The following ASH2L variants were observed in gnomAD, a reference collection of about 807,000 sequenced individuals.
ASH2L encodes ASH2 like, histone lysine methyltransferase complex subunit.
ASH2L carries 30 observed loss-of-function variants against 81.1 expected under a neutral mutation model. That is an observed-to-expected ratio of 0.37 (90% CI 0.28 to 0.50). ASH2L has a LOEUF of 0.50. ASH2L is among the 20% of genes least tolerant of loss of function. ASH2L has a pLI of 0.95. For synonymous variants in ASH2L, 273 were observed against 279.9 expected (o/e 0.98, Z 0.24); for missense variants, 559 against 792.1 (o/e 0.71, Z 3.53).
At chr8:38,108,471 A>G (rs1268231995) in intron 3 of ASH2L, among the ~76,000 whole-genome samples, 1 of 152,116 alleles carries the variant, frequency 6.6e-6, no homozygotes, top group Non-Finnish European at 1.5e-5. Flanking sequence ...CTGAATTTCA[A>G]AAGTTATATC....
intron 2 of ASH2L, 79 bp from the exon 3 acceptor site, chr8:38,106,942 C>A (rs1810460250): frequency 6.5e-7 from 1 of 1,538,622 alleles, no homozygotes; most frequent in African/African-American, 1.4e-5. Flanking sequence ...CATAGGGAGA[C>A]CCCCGTCTCT....
intron 2 of ASH2L, 47 bp from the exon 3 acceptor site, chr8:38,106,974 A>C: frequency 6.2e-7 from 1 of 1,608,672 alleles, no homozygotes. Context: ...AATAAAGTAA[A>C]ATACATTCAA....
chr8:38,116,875 G>T, intron 8 of ASH2L, 150 bp downstream of exon 8: 1 of 652,994 alleles, frequency 1.5e-6, no homozygotes, highest in South Asian at 2.1e-5. Flanking sequence ...AACTAGCCAA[G>T]GATTTGGCAG....
chr8:38,130,092 T>G (rs1277195676), intron 12 of ASH2L, among the ~76,000 whole-genome samples: 1 of 152,198 alleles, frequency 6.6e-6, no homozygotes, highest in Non-Finnish European at 1.5e-5. Context: ...AGTATCTCAT[T>G]GTGAGTTAAA....
At chr8:38,119,136 A>G (rs547269100) in intron 8 of ASH2L, 134 bp from the exon 9 acceptor site, 66 of 766,770 alleles carry the variant, frequency 8.6e-5, no homozygotes, top group East Asian at 1.2e-4. Context: ...GTGAAATCCA[A>G]TATGCCTTTG....
intron 10 of ASH2L, among the ~76,000 whole-genome samples, chr8:38,123,700 T>C (rs957408079): frequency 1.3e-5 from 2 of 152,210 alleles, no homozygotes; most frequent in Non-Finnish European, 2.9e-5. Context: ...TGTCACTCCC[T>C]CATCACCCCT....
rs1396508366 is a variant in ASH2L, at chr8:38,128,843, C to G, written c.1419C>G (p.Gly473=). The G allele has an allele frequency of 6.2e-7, 1 of 1,614,150 alleles. No homozygotes were observed. The highest frequency in any genetic ancestry group is 8.5e-7 in the Non-Finnish European group (1 of 1,180,028). Residue 473 remains glycine, a synonymous_variant, in exon 12 of 16, where the codon GGC becomes GGG. Transcript: ENST00000343823. ...KKGTKFHQSI[G]KHYSSGYGQG... ...GAACCAAGTTCCACCAGTCCATTGG[C>G]AAACACTACTCTTCTGGCTATGGAC...
intron 3 of ASH2L, among the ~76,000 whole-genome samples, chr8:38,108,757 C>T (rs1810559177): frequency 6.6e-6 from 1 of 151,992 alleles, no homozygotes; most frequent in Non-Finnish European, 1.5e-5. Flanking sequence ...AGAGGTTGCA[C>T]CCCAGCCTGG....
intron 12 of ASH2L, among the ~76,000 whole-genome samples, chr8:38,129,239 C>T (rs1262108927): frequency 6.6e-6 from 1 of 152,090 alleles, no homozygotes; most frequent in African/African-American, 2.4e-5. Flanking sequence ...AGAATTCAGC[C>T]TGTTTAATTC....
chr8:38,122,866 A>G (rs1239014720), intron 10 of ASH2L, among the ~76,000 whole-genome samples: 1 of 148,604 alleles, frequency 6.7e-6, no homozygotes, highest in Non-Finnish European at 1.5e-5. Context: ...GCCTCAGCCT[A>G]CTGAGTAGCT....
intron 12 of ASH2L, 84 bp downstream of exon 12, chr8:38,129,035 G>A (rs1186297244): frequency 6.6e-7 from 1 of 1,520,308 alleles, no homozygotes; most frequent in African/African-American, 1.4e-5. Flanking sequence ...TGATCTCTTA[G>A]GAACTGAGCC....
intron 12 of ASH2L, among the ~76,000 whole-genome samples, chr8:38,129,339 A>G (rs372813976): frequency 3.9e-5 from 6 of 152,300 alleles, no homozygotes; most frequent in African/African-American, 1.4e-4. Flanking sequence ...AACTGTTGAA[A>G]TGTAGGATCC....
chr8:38,105,625 A>G lies in ASH2L; in HGVS notation c.75A>G (p.Thr25=). ...GPGPGAVANA[T]GAEEGEMKPV... ...GCCCAGGAGCGGTCGCAAATGCAAC[A>G]GGGGCAGAAGAGGGGGAGATGAAGC... Residue 25 remains threonine, a synonymous_variant, in exon 1 of 16, where the codon ACA becomes ACG. Transcript: ENST00000343823. 6.2e-7 allele frequency: 1 copy of G among 1,605,004 alleles called. No homozygotes were observed. The highest frequency in any genetic ancestry group is 8.5e-7 in the Non-Finnish European group (1 of 1,176,908).
At chr8:38,108,287 T>C (rs1810537892) in intron 3 of ASH2L, among the ~76,000 whole-genome samples, 1 of 152,164 alleles carries the variant, frequency 6.6e-6, no homozygotes, top group Non-Finnish European at 1.5e-5. Flanking sequence ...ACACACTAGC[T>C]AAGCAAGCCT....
chr8:38,136,333 G>A (rs978780351), intron 14 of ASH2L, among the ~76,000 whole-genome samples: 45 of 150,168 alleles, frequency 3.0e-4, no homozygotes, highest in Non-Finnish European at 8.9e-5. Context: ...GCCTCCCAAA[G>A]TGCTGGGATT....
chr8:38,131,869 CAG>C lies in ASH2L; in HGVS notation c.1528-1582_1528-1581del, dbSNP rs548599559. ...GTTTATCTGGTGTTTTATTTTGAAA[CAG>C]AGTCTCATTCTGTCGCCCAGGCTGG... On this transcript the variant is annotated intron_variant, in intron 12 of 15. Transcript: ENST00000343823. Among the ~76,000 whole-genome samples, 414 of 147,138 alleles carry C rather than the reference CAG, an allele frequency of 2.8e-3. 2 individuals are homozygous for C. The highest frequency in any genetic ancestry group is 9.4e-3 in the African/African-American group (375 of 39,778).
chr8:38,128,321 T>C lies in ASH2L; in HGVS notation c.1196T>C (p.Leu399Pro). The C allele has an allele frequency of 6.2e-7, 1 of 1,614,166 alleles. No homozygotes were observed. Among genetic ancestry groups the C allele is most frequent in the Non-Finnish European group, 8.5e-7 (1 of 1,180,022 alleles). The change falls in exon 11 of 16, where the codon CTG (leucine) becomes CCG (proline). Residue 399 changes from leucine to proline, a missense_variant. Leu to Pro is a moderately conservative substitution (Grantham distance 98). Around this residue, in one of 4 missense-constraint regions of ASH2L, gnomAD observed 318 missense variants for 527.0 expected, o/e 0.60. Transcript: ENST00000343823. ...CAGTTAAAGATCTCAGATGACCGGC[T>C]GACTGTGGTTGGAGAGAAGGGCTAC... ...APQLKISDDR[L>P]TVVGEKGYSM...
intron 12 of ASH2L, among the ~76,000 whole-genome samples, chr8:38,129,667 C>G (rs535334311): frequency 4.6e-5 from 7 of 152,206 alleles, no homozygotes; most frequent in Non-Finnish European, 7.3e-5. Context: ...CACATAGAGG[C>G]AACCACTGTT....
chr8:38,126,544 C>T (rs1389862534), intron 10 of ASH2L, among the ~76,000 whole-genome samples: 1 of 152,100 alleles, frequency 6.6e-6, no homozygotes, highest in African/African-American at 2.4e-5. Flanking sequence ...CACTAGGACT[C>T]TACTATTTTT....
Sources: gnomAD v4.1 joint callset for allele counts (sites outside exome capture counted in the v4.1 genomes callset) on GRCh38, gnomAD v4.1.1 for gene constraint, gnomAD v4.1.1 regional missense constraint, MANE v1.5 for transcripts, NCBI Gene and HGNC (gene_info 2026-07-23, HGNC 2026-07-21) for gene names.